The following FBXW10B variants were observed in gnomAD, a reference collection of about 807,000 sequenced individuals.
The protein encoded by FBXW10B is F-box and WD repeat domain containing 10B, also known as F-box and WD repeat domain containing protein 10B.
chr17:15,594,634 G>A, the FBXW10B span: 1 of 1,086,750 alleles, frequency 9.2e-7, no homozygotes, highest in African/African-American at 1.6e-5. Context: ...AGGGTGAGGT[G>A]CAGAGAACAC....
the FBXW10B span, chr17:15,613,812 C>T: frequency 4.4e-6 from 7 of 1,608,936 alleles, no homozygotes; most frequent in African/African-American, 2.7e-5. Context: ...CTGGGAAATC[C>T]CCTCATACAC....
At chr17:15,592,166 G>C in the FBXW10B span, among the ~76,000 whole-genome samples, 1 of 152,200 alleles carries the variant, frequency 6.6e-6, no homozygotes, top group East Asian at 1.9e-4. Flanking sequence ...AAAGTAACTT[G>C]TTTTGGCTGG....
the FBXW10B span, chr17:15,573,328 AG>A: frequency 6.6e-6 from 1 of 152,206 alleles, no homozygotes; most frequent in African/African-American, 2.4e-5. Flanking sequence ...TAAACCCCAC[AG>A]GGAAACAGAA....
At chr17:15,587,009 C>T in the FBXW10B span, among the ~76,000 whole-genome samples, 7 of 151,574 alleles carry the variant, frequency 4.6e-5, no homozygotes, top group South Asian at 1.5e-3. Context: ...GAACCTGGAG[C>T]CTTGAGAAGG....
At chr17:15,570,302 C>T in the FBXW10B span, among the ~76,000 whole-genome samples, 2 of 152,278 alleles carry the variant, frequency 1.3e-5, no homozygotes, top group African/African-American at 2.4e-5. Context: ...TAGAGAGACA[C>T]GCTGTAGACC....
chr17:15,598,012 A>C, the FBXW10B span, among the ~76,000 whole-genome samples: 17 of 152,336 alleles, frequency 1.1e-4, no homozygotes, highest in Admixed American at 2.6e-4. Context: ...CATTTCTGCT[A>C]GGTTAGCCCT....
At chr17:15,594,745 T>G in the FBXW10B span, 1 of 1,613,742 alleles carries the variant, frequency 6.2e-7, no homozygotes, top group East Asian at 2.2e-5. Context: ...CACAGGCACC[T>G]ACTTGGGATG....
At chr17:15,607,651 G>A in the FBXW10B span, 11 of 1,613,598 alleles carry the variant, frequency 6.8e-6, no homozygotes, top group South Asian at 3.3e-5. Flanking sequence ...GCGTTTCCTC[G>A]TTCTGGTATG....
At chr17:15,583,031 T>C in the FBXW10B span, among the ~76,000 whole-genome samples, 3 of 149,234 alleles carry the variant, frequency 2.0e-5, no homozygotes, top group African/African-American at 7.5e-5. Context: ...TGTCTCTCTT[T>C]GCTGACTTCC....
chr17:15,614,800 G>T, the FBXW10B span, among the ~76,000 whole-genome samples: 1 of 152,110 alleles, frequency 6.6e-6, no homozygotes, highest in Non-Finnish European at 1.5e-5. Flanking sequence ...TATTTCCTAC[G>T]ATATTGTGTT....
chr17:15,611,023 CTTTTTTT>C, the FBXW10B span, among the ~76,000 whole-genome samples: 1 of 128,508 alleles, frequency 7.8e-6, no homozygotes, highest in African/African-American at 3.0e-5. Context: ...AATGTGTTTT[CTTTTTTT>C]TTTTTTTTTT....
chr17:15,617,640 C>T, the FBXW10B span, among the ~76,000 whole-genome samples: 3 of 152,070 alleles, frequency 2.0e-5, no homozygotes, highest in African/African-American at 4.8e-5. Context: ...TAATATAGTT[C>T]GAGCAAGAGC....
chr17:15,589,524 T>C, the FBXW10B span, among the ~76,000 whole-genome samples: 1 of 151,392 alleles, frequency 6.6e-6, no homozygotes, highest in South Asian at 2.1e-4. Context: ...GGGCAGATTA[T>C]TTTCATTAGT....
chr17:15,570,628 A>G, the FBXW10B span, among the ~76,000 whole-genome samples: 1 of 152,250 alleles, frequency 6.6e-6, no homozygotes, highest in East Asian at 1.9e-4. Flanking sequence ...AAGAAAAGGC[A>G]CATACACTGG....
At chr17:15,602,817 C>T in the FBXW10B span, among the ~76,000 whole-genome samples, 1 of 121,692 alleles carries the variant, frequency 8.2e-6, no homozygotes, top group Non-Finnish European at 1.6e-5. Context: ...TCAGTAGAGA[C>T]GGGGTTTCAC....
chr17:15,593,547 G>T, the FBXW10B span: 14 of 1,600,010 alleles, frequency 8.7e-6, no homozygotes, highest in African/African-American at 2.7e-5. Context: ...AAAATGCCTG[G>T]GTTTGTTTGT....
At chr17:15,619,617 T>C in the FBXW10B span, 5 of 1,513,018 alleles carry the variant, frequency 3.3e-6, no homozygotes, top group African/African-American at 2.9e-5. Context: ...AGTTGTGCCT[T>C]TTCTATTACA....
At chr17:15,609,848 C>CTTTCTTTTT in the FBXW10B span, among the ~76,000 whole-genome samples, 1 of 129,972 alleles carries the variant, frequency 7.7e-6, no homozygotes, top group African/African-American at 3.2e-5. Flanking sequence ...CTCTTTCTTT[C>CTTTCTTTTT]TTTCTTTTTT....
the FBXW10B span, among the ~76,000 whole-genome samples, chr17:15,586,019 CTT>C: frequency 6.7e-6 from 1 of 150,048 alleles, no homozygotes; most frequent in Non-Finnish European, 1.5e-5. Context: ...AAGCCCTGCT[CTT>C]GTCTGCAGCC....
Sources: gnomAD v4.1 joint callset for allele counts (sites outside exome capture counted in the v4.1 genomes callset) on GRCh38, gnomAD v4.1.1 for gene constraint, MANE v1.5 for transcripts, NCBI Gene and HGNC (gene_info 2026-07-23, HGNC 2026-07-21) for gene names.